The following FRMD3 variants were observed in gnomAD, a reference collection of about 807,000 sequenced individuals.
FRMD3 encodes FERM domain containing 3.
In FRMD3, 33 loss-of-function variants were observed where a neutral mutation model predicts 70.2. That is an observed-to-expected ratio of 0.47 (90% confidence interval 0.36 to 0.63). The LOEUF is 0.63. Among genes scored for constraint, FRMD3 ranks in the 20% least tolerant of loss-of-function variants. The probability of loss-of-function intolerance (pLI) is 0.00; values close to 1 mark genes in which losing one functional copy is unlikely to be tolerated. For synonymous variants in FRMD3, 279 were observed against 255.9 expected, an observed-to-expected ratio of 1.09 and a Z score of -0.86; for missense variants, 632 against 711.4, an observed-to-expected ratio of 0.89 and a Z score of 1.27.
chr9:83,444,392 G>A (rs947040744), intron 1 of FRMD3, among the ~76,000 whole-genome samples: 3 of 152,204 alleles, frequency 2.0e-5, no homozygotes, highest in East Asian at 1.9e-4. Flanking sequence ...TCAGACAGTC[G>A]GGGCTGCCCA....
chr9:83,514,518 G>T (rs1335289515), intron 1 of FRMD3, among the ~76,000 whole-genome samples: 6 of 152,196 alleles, frequency 3.9e-5, no homozygotes, highest in African/African-American at 7.2e-5. Flanking sequence ...CCTGGGGAAG[G>T]GGTGGTTGTG....
intron 1 of FRMD3, among the ~76,000 whole-genome samples, chr9:83,528,457 T>C (rs977158062): frequency 6.6e-6 from 1 of 152,190 alleles, no homozygotes; most frequent in African/African-American, 2.4e-5. Flanking sequence ...ATATAAGTTC[T>C]ATTTTGTTTT....
intron 4 of FRMD3, among the ~76,000 whole-genome samples, chr9:83,345,249 A>C (rs1823916779): frequency 6.6e-6 from 1 of 151,872 alleles, no homozygotes. Context: ...AATTGTGTGC[A>C]GAGGATAAAG....
intron 6 of FRMD3, among the ~76,000 whole-genome samples, chr9:83,332,176 C>T (rs928791277): frequency 1.3e-5 from 2 of 152,268 alleles, no homozygotes; most frequent in African/African-American, 2.4e-5. Flanking sequence ...TAGAGATGAT[C>T]GATAACTATA....
intron 2 of FRMD3, among the ~76,000 whole-genome samples, chr9:83,375,146 G>A (rs192780304): frequency 1.5e-4 from 23 of 152,320 alleles, no homozygotes; most frequent in African/African-American, 5.3e-4. Flanking sequence ...AAAACCAGGT[G>A]CAGGCTCTGA....
downstream of FRMD3, chr9:83,243,302 C>T (rs1372310225): frequency 7.5e-7 from 1 of 1,327,348 alleles, no homozygotes. Flanking sequence ...ACCTTCAGCA[C>T]ATTGTCTCCA....
At chr9:83,355,835 C>G (rs1391403656) in intron 3 of FRMD3, among the ~76,000 whole-genome samples, 1 of 152,154 alleles carries the variant, frequency 6.6e-6, no homozygotes, top group Non-Finnish European at 1.5e-5. Context: ...GAGCATACCA[C>G]CAGAGTAGCA....
rs145241792 is a variant in FRMD3 at position 83,505,729 on chromosome 9, T to C, written c.147+32356A>G. Among the ~76,000 whole-genome samples, 10 of 152,310 alleles carry C rather than the reference T, an allele frequency of 6.6e-5. No individual in the cohort carries two copies. In the East Asian group the frequency reaches 1.7e-3, roughly 26 times the overall value. On this transcript the variant is annotated intron_variant, in intron 1 of 13. Coordinates refer to ENST00000304195, the MANE Select transcript of FRMD3 (RefSeq NM_174938.6). Reference sequence around the variant, plus strand: ...TTCACAAGCACAGTTTTCCCTTCTATAGGTAGATTCCATCCTGAGCTGCCT... The same window carrying C: ...TTCACAAGCACAGTTTTCCCTTCTACAGGTAGATTCCATCCTGAGCTGCCT...
At chr9:83,490,125 C>T (rs1564101725) in intron 1 of FRMD3, among the ~76,000 whole-genome samples, 1 of 152,136 alleles carries the variant, frequency 6.6e-6, no homozygotes, top group Non-Finnish European at 1.5e-5. Context: ...CAGGCACTTT[C>T]CCATGGCTTG....
intron 3 of FRMD3, among the ~76,000 whole-genome samples, chr9:83,366,808 T>C (rs2131240890): frequency 6.6e-6 from 1 of 152,352 alleles, no homozygotes; most frequent in South Asian, 2.1e-4. Context: ...ATCTGTCCTC[T>C]TGATGTGTGC....
intron 1 of FRMD3, among the ~76,000 whole-genome samples, chr9:83,479,371 G>T (rs1183200822): frequency 1.4e-5 from 2 of 142,748 alleles, no homozygotes; most frequent in East Asian, 4.1e-4. Flanking sequence ...GGAAGAAGAA[G>T]AGGAGGAGGA....
At chr9:83,539,005 C>A (rs370943041), upstream of FRMD3, among the ~76,000 whole-genome samples, 2 of 152,206 alleles carry the variant, frequency 1.3e-5, no homozygotes, top group Admixed American at 6.5e-5. Flanking sequence ...CTAGCTAGGA[C>A]TCAGTCTCTT....
chr9:83,507,320 T>C (rs11793207), intron 1 of FRMD3, among the ~76,000 whole-genome samples: 28,932 of 141,448 alleles, frequency 0.2, 3,536 homozygotes, highest in African/African-American at 0.35. Flanking sequence ...TGAGCCAAGA[T>C]TGTGCCACTG....
chr9:83,464,002 A>G (rs958241156), intron 1 of FRMD3, among the ~76,000 whole-genome samples: 9 of 152,154 alleles, frequency 5.9e-5, no homozygotes, highest in Non-Finnish European at 1.3e-4. Context: ...AGGATTCCTG[A>G]GCTTTTCCCT....
At chr9:83,569,969 C>T in the FRMD3 span, among the ~76,000 whole-genome samples, 2 of 152,120 alleles carry the variant, frequency 1.3e-5, no homozygotes, top group East Asian at 3.9e-4. Context: ...TCCAGAATGT[C>T]GGATTCTGGA....
intron 1 of FRMD3, among the ~76,000 whole-genome samples, chr9:83,410,313 C>T (rs1007945377): frequency 6.6e-6 from 1 of 152,138 alleles, no homozygotes; most frequent in South Asian, 2.1e-4. Flanking sequence ...CTCCCTCCCC[C>T]ACAGTAGTCC....
At chr9:83,520,225 C>T (rs1564114692) in intron 1 of FRMD3, among the ~76,000 whole-genome samples, 1 of 152,210 alleles carries the variant, frequency 6.6e-6, no homozygotes, top group Non-Finnish European at 1.5e-5. Flanking sequence ...CCTTCCCCCC[C>T]TGGACTTCAG....
the FRMD3 span, among the ~76,000 whole-genome samples, chr9:83,582,196 C>A: frequency 2.0e-5 from 3 of 152,100 alleles, no homozygotes; most frequent in Non-Finnish European, 4.4e-5. Flanking sequence ...CTCAACCTCC[C>A]AAAGCCCTGG....
chr9:83,427,759 G>T (rs1826852863), intron 1 of FRMD3, among the ~76,000 whole-genome samples: 2 of 151,748 alleles, frequency 1.3e-5, no homozygotes, highest in Non-Finnish European at 2.9e-5. Flanking sequence ...GCATGAATAA[G>T]CATTTCACAG....
Sources: allele counts gnomAD v4.1 joint callset (sites outside exome capture counted in the v4.1 genomes callset), GRCh38; gene constraint gnomAD v4.1.1; transcripts MANE v1.5; gene names NCBI Gene and HGNC (gene_info 2026-07-23, HGNC 2026-07-21).